Variants in ARID5B observed in about 807,000 individuals in gnomAD.
ARID5B encodes AT-rich interactive domain-containing protein 5B.
Under a neutral mutation model 97.2 loss-of-function variants are expected in ARID5B, and 13 were observed. The observed-to-expected ratio is 0.13, with a 90% CI of 0.09 to 0.21. The LOEUF is 0.21. Among genes scored for constraint, ARID5B ranks in the 10% least tolerant of loss-of-function variants. ARID5B has a pLI of 1.00. For missense variants in ARID5B, 1,210 were observed against 1,465.3 expected, an observed-to-expected ratio of 0.83 and a Z score of 2.84; for synonymous variants, 556 against 570.3, an observed-to-expected ratio of 0.97 and a Z score of 0.36.
In ARID5B at chr10:62,092,902, G is replaced by C. The variant is rs753043945; in HGVS notation, c.3439G>C (p.Ala1147Pro). The C allele has an allele frequency of 6.2e-7, 1 of 1,614,200 alleles. No homozygotes were observed. Among genetic ancestry groups the C allele is most frequent in the Non-Finnish European group, 8.5e-7 (1 of 1,180,040 alleles). The change falls in exon 10 of 10, where the codon GCT becomes CCT. Residue 1147 changes from alanine to proline, a missense_variant. Physicochemically the swap from Ala to Pro is conservative, Grantham distance 27. Transcript: ENST00000279873. ...GCAGCTGTACAGACACTTGGCTGCG[G>C]CTACACCTGTAGGAAGTTCATATGG... is the stretch of plus-strand genomic sequence containing the variant. ...SQQLYRHLAA[A>P]TPVGSSYGDL...
chr10:61,966,793 A>G (rs1014898350), intron 3 of ARID5B, among the ~76,000 whole-genome samples: 2 of 152,162 alleles, frequency 1.3e-5, no homozygotes, highest in African/African-American at 4.8e-5. Flanking sequence ...AACCTGGAGT[A>G]TTCCTTAAAG....
At chr10:62,028,498 T>C (rs1839451210) in intron 4 of ARID5B, among the ~76,000 whole-genome samples, 3 of 152,156 alleles carry the variant, frequency 2.0e-5, no homozygotes, top group African/African-American at 7.2e-5. Flanking sequence ...GAAGATGAAC[T>C]CTGGATCTCA....
intron 3 of ARID5B, among the ~76,000 whole-genome samples, chr10:61,948,014 C>T (rs1437424280): frequency 6.6e-6 from 1 of 152,212 alleles, no homozygotes; most frequent in African/African-American, 2.4e-5. Flanking sequence ...TGAAGATGGA[C>T]CATCAGCTGA....
chr10:61,928,440 A>G (rs894343063), intron 2 of ARID5B, among the ~76,000 whole-genome samples: 4 of 152,064 alleles, frequency 2.6e-5, no homozygotes, highest in Non-Finnish European at 4.4e-5. Context: ...AGCTGAGACT[A>G]CAGGCACCTG....
intron 8 of ARID5B, 50 bp from the exon 9 acceptor site, chr10:62,085,652 G>A (rs773206489): frequency 3.4e-6 from 5 of 1,459,816 alleles, no homozygotes; most frequent in Non-Finnish European, 4.7e-6. Flanking sequence ...TAGCATTGAT[G>A]CTACTGGAAT....
At chr10:61,955,532 T>C (rs1041220350) in intron 3 of ARID5B, among the ~76,000 whole-genome samples, 2 of 152,238 alleles carry the variant, frequency 1.3e-5, no homozygotes, top group Admixed American at 1.3e-4. Context: ...ATGTATATCA[T>C]AGGATAATAA....
chr10:62,061,504 G>C (rs1564640115), intron 7 of ARID5B, among the ~76,000 whole-genome samples: 2 of 152,194 alleles, frequency 1.3e-5, no homozygotes, highest in African/African-American at 4.8e-5. Context: ...AACCAAGTGA[G>C]GAAAGTCCTC....
At chr10:62,014,922 G>C (rs1251423640) in intron 4 of ARID5B, among the ~76,000 whole-genome samples, 1 of 152,108 alleles carries the variant, frequency 6.6e-6, no homozygotes, top group Non-Finnish European at 1.5e-5. Flanking sequence ...CTCCTGGACT[G>C]GGTGATCTTT....
intron 2 of ARID5B, among the ~76,000 whole-genome samples, chr10:61,937,180 G>A (rs1005349023): frequency 1.3e-5 from 2 of 152,236 alleles, no homozygotes; most frequent in East Asian, 3.8e-4. Flanking sequence ...GCAATAGGGA[G>A]TGGTGGGGAT....
intron 2 of ARID5B, among the ~76,000 whole-genome samples, chr10:61,930,209 G>A (rs977009985): frequency 1.9e-4 from 29 of 152,338 alleles, no homozygotes; most frequent in African/African-American, 6.3e-4. Context: ...AGGAAGAAGA[G>A]AAATTGAATA....
intron 3 of ARID5B, among the ~76,000 whole-genome samples, chr10:61,993,397 C>T (rs867024678): frequency 2.0e-5 from 3 of 152,182 alleles, no homozygotes; most frequent in Non-Finnish European, 4.4e-5. Context: ...TGCTCTGCTG[C>T]ATTTTCCTTT....
At chr10:62,005,063 T>C (rs578072842) in intron 4 of ARID5B, among the ~76,000 whole-genome samples, 11 of 152,326 alleles carry the variant, frequency 7.2e-5, no homozygotes, top group African/African-American at 2.4e-4. Flanking sequence ...TTTTGGCAAT[T>C]GGGATGTGTG....
At chr10:62,028,392 T>C (rs759492357) in intron 4 of ARID5B, among the ~76,000 whole-genome samples, 6 of 152,156 alleles carry the variant, frequency 3.9e-5, no homozygotes, top group Admixed American at 6.5e-5. Context: ...TTTCAGCCTC[T>C]CTCCTTCCAG....
chr10:61,937,198 C>T (rs1373771676), intron 2 of ARID5B, among the ~76,000 whole-genome samples: 1 of 152,232 alleles, frequency 6.6e-6, no homozygotes, highest in African/African-American at 2.4e-5. Flanking sequence ...GATTTTACAT[C>T]TTGTCTGAAG....
At position 61,990,830 on chromosome 10, in the gene ARID5B, G is replaced by A. The variant is rs180881045; in HGVS notation, c.503-9261G>A. Among the ~76,000 whole-genome samples the A allele has an allele frequency of 5.3e-5, 8 of 152,218 alleles. No homozygotes were observed. The East Asian group carries it at 1.2e-3, about 22-fold the overall frequency. ...GCATTAAGTACATTCACAATATTGTGTAACTGTCACCACTATCTATTTCTA... is the reference window on the plus strand; with the variant it reads ...GCATTAAGTACATTCACAATATTGTATAACTGTCACCACTATCTATTTCTA... On this transcript the variant is annotated intron_variant, in intron 3 of 9. Transcript: ENST00000279873.
At chr10:62,032,548 C>G (rs1382232537) in intron 4 of ARID5B, among the ~76,000 whole-genome samples, 1 of 151,908 alleles carries the variant, frequency 6.6e-6, no homozygotes, top group East Asian at 1.9e-4. Flanking sequence ...AACCCTGTCT[C>G]TACTAAGAAT....
At position 62,093,467 on chromosome 10, in the gene ARID5B, G is replaced by C. The variant is rs975430893; in HGVS notation, c.*437G>C. On this transcript the variant is annotated 3_prime_UTR_variant, in exon 10 of 10. Transcript: ENST00000279873. ...CCTCTTTTTCATAAAACTCTCCAAG[G>C]TTCAATCAATGCAATGTATAGTGAA... 2.0e-5 allele frequency: 5 copies of C among 248,486 alleles called. No homozygotes were observed. Among genetic ancestry groups the C allele is most frequent in the African/African-American group, 1.1e-4 (5 of 45,516 alleles). The allele number at this position is 248,486 out of a possible 1,614,324, so 15.4% of individuals were successfully genotyped here.
At chr10:61,994,897 G>GGTCTCTTATTCCCTTTGAATGTTTC (rs1305564030) in intron 3 of ARID5B, among the ~76,000 whole-genome samples, 1 of 151,984 alleles carries the variant, frequency 6.6e-6, no homozygotes, top group Non-Finnish European at 1.5e-5. Flanking sequence ...AGTAATGTTG[G>GGTCTCTTATTCCCTTTGAATGTTTC]GTCTCTTATT....
At chr10:61,994,669 T>C (rs1838972800) in intron 3 of ARID5B, among the ~76,000 whole-genome samples, 2 of 152,190 alleles carry the variant, frequency 1.3e-5, no homozygotes, top group African/African-American at 4.8e-5. Context: ...ACAGTTACTG[T>C]TTGAAAAGCT....
Sources: allele counts gnomAD v4.1 joint callset (sites outside exome capture counted in the v4.1 genomes callset), GRCh38; gene constraint gnomAD v4.1.1; transcripts MANE v1.5; gene names NCBI Gene and HGNC (gene_info 2026-07-23, HGNC 2026-07-21).